ASPH: variants seen among roughly 807,000 people sequenced by gnomAD.
The protein encoded by ASPH is aspartyl/asparaginyl beta-hydroxylase.
A neutral mutation model predicts 118.4 loss-of-function variants in ASPH; 100 were observed. That is an observed-to-expected ratio of 0.84 (90% CI 0.72 to 1.00). The LOEUF (loss-of-function observed/expected upper bound fraction) is 1.00. Among genes scored for constraint, ASPH ranks in the 50% least tolerant of loss-of-function variants. The probability of loss-of-function intolerance (pLI) is 0.00; values close to 1 mark genes in which losing one functional copy is unlikely to be tolerated. For missense variants in ASPH, 920 were observed against 919.5 expected, an observed-to-expected ratio of 1.00 and a Z score of -0.01; for synonymous variants, 315 against 325.6, an observed-to-expected ratio of 0.97 and a Z score of 0.35.
intron 3 of ASPH, among the ~76,000 whole-genome samples, chr8:61,667,844 C>T (rs1820472050): frequency 6.6e-6 from 1 of 152,130 alleles, no homozygotes; most frequent in Admixed American, 6.5e-5. Flanking sequence ...AAAACAATTA[C>T]TGAAGACTTC....
intron 19 of ASPH, among the ~76,000 whole-genome samples, 161 bp downstream of exon 19, chr8:61,555,763 G>T (rs538934234): frequency 3.3e-5 from 5 of 152,312 alleles, no homozygotes. Flanking sequence ...GGTTACAGTG[G>T]AGGCCCACGC....
chr8:61,579,227 A>C, intron 15 of ASPH: 4 of 1,613,762 alleles, frequency 2.5e-6, no homozygotes, highest in Non-Finnish European at 3.4e-6. Flanking sequence ...CCGCCATTGC[A>C]GATGCCGAGC....
At chr8:61,676,163 C>A (rs750258551) in intron 3 of ASPH, 2 of 1,599,180 alleles carry the variant, frequency 1.3e-6, no homozygotes, top group Non-Finnish European at 1.7e-6. Flanking sequence ...TGCGGTTTCG[C>A]TTTCTTCTTC....
At chr8:61,678,227 T>G (rs1826314686) in intron 3 of ASPH, among the ~76,000 whole-genome samples, 1 of 152,138 alleles carries the variant, frequency 6.6e-6, no homozygotes. Flanking sequence ...CACATGATCC[T>G]TAGGTGGTGT....
At chr8:61,703,995 A>C (rs1196756222) in intron 1 of ASPH, among the ~76,000 whole-genome samples, 1 of 151,932 alleles carries the variant, frequency 6.6e-6, no homozygotes, top group African/African-American at 2.4e-5. Context: ...GGAGATCGAG[A>C]CCATCCCGGC....
chr8:61,606,634 T>C (rs1003171156), intron 14 of ASPH: 1 of 152,180 alleles, frequency 6.6e-6, no homozygotes, highest in African/African-American at 2.4e-5. Context: ...CATTAAATTA[T>C]CATGAAGCAG....
intron 24 of ASPH, among the ~76,000 whole-genome samples, chr8:61,510,354 C>G (rs1808356758): frequency 6.6e-6 from 1 of 152,128 alleles, no homozygotes; most frequent in African/African-American, 2.4e-5. Context: ...TATGAAGATA[C>G]ATAACACTAA....
rs747718807 is a variant in ASPH, at chr8:61,651,150, A to T, written c.416-26T>A. 9.4e-6 allele frequency: 15 copies of T among 1,595,324 alleles called. No homozygotes were observed. The South Asian group carries it at 1.7e-4, about 18-fold the overall frequency. On this transcript the variant is annotated intron_variant, in intron 4 of 24. Transcript: ENST00000379454. ...CTAAAATAATTGCAAAACATAGCTA[A>T]GTAGAAAAGCTCAAACATCAACATG... is the stretch of plus-strand genomic sequence containing the variant.
At chr8:61,655,161 G>C (rs951460093) in intron 3 of ASPH, among the ~76,000 whole-genome samples, 2 of 152,164 alleles carry the variant, frequency 1.3e-5, no homozygotes, top group Non-Finnish European at 1.5e-5. Flanking sequence ...ATGAACACTT[G>C]TTGAAGGGCT....
chr8:61,610,395 T>A (rs553911591), intron 14 of ASPH, among the ~76,000 whole-genome samples: 1 of 152,372 alleles, frequency 6.6e-6, no homozygotes, highest in African/African-American at 2.4e-5. Flanking sequence ...CTAAGACTGA[T>A]GATATATGCT....
intron 3 of ASPH, among the ~76,000 whole-genome samples, chr8:61,676,904 C>T (rs1372240434): frequency 6.6e-6 from 1 of 151,872 alleles, no homozygotes; most frequent in Non-Finnish European, 1.5e-5. Flanking sequence ...TTTATAGCAT[C>T]CATAGGTGGG....
rs375405791 is a variant in ASPH, at chr8:61,540,001, A to C, written c.1764+8070T>G. 3.9e-5 allele frequency among the ~76,000 whole-genome samples: 6 copies of C among 151,974 alleles called. No homozygotes were observed. In the South Asian group the frequency reaches 6.2e-4, roughly 16 times the overall value. ...TTAATCCATTTTTGTTTCAATTTCT[A>C]TGTTAAATAAGCCCAAGGCACTTGG... On this transcript the variant is annotated intron_variant, in intron 21 of 24. Transcript: ENST00000379454.
chr8:61,589,073 C>T (rs1217940568), intron 14 of ASPH, among the ~76,000 whole-genome samples: 2 of 152,168 alleles, frequency 1.3e-5, no homozygotes, highest in East Asian at 3.9e-4. Context: ...CTACAGAAAA[C>T]AGGTAAGTGG....
intron 3 of ASPH, chr8:61,675,717 C>T (rs1389683733): frequency 2.9e-6 from 3 of 1,035,276 alleles, no homozygotes; most frequent in Admixed American, 1.0e-4. Flanking sequence ...GAAAGACAAG[C>T]ATCAAGGGTT....
rs374589402 is a variant in ASPH at position 61,536,291 on chromosome 8, A to G, written c.1765-10179T>C. 9.5e-4 allele frequency among the ~76,000 whole-genome samples: 144 copies of G among 152,238 alleles called. 1 individual carries two copies. The Middle Eastern group carries it at 0.027, about 29-fold the overall frequency. On this transcript the variant is annotated intron_variant, in intron 21 of 24. Coordinates refer to ENST00000379454, the MANE Select transcript of ASPH (RefSeq NM_004318.4). Reference sequence around the variant, plus strand: ...CCTGACCTCATGATCTGCCCACCTCAGCCTCCCAAAGTGCTGTGATTACAG... The same window carrying G: ...CCTGACCTCATGATCTGCCCACCTCGGCCTCCCAAAGTGCTGTGATTACAG...
chr8:61,579,842 C>T (rs1836851672), intron 15 of ASPH, among the ~76,000 whole-genome samples: 1 of 149,126 alleles, frequency 6.7e-6, no homozygotes, highest in Non-Finnish European at 1.5e-5. Context: ...CCCATGCCTC[C>T]AGCTACAAAA....
Position 61,517,521 on chromosome 8 carries a change from C to A in ASPH, c.2126+7G>T. 6.2e-7 allele frequency: 1 copy of A among 1,613,672 alleles called. No individual in the cohort carries two copies. Among genetic ancestry groups the A allele is most frequent in the South Asian group, 1.1e-5 (1 of 91,054 alleles). On this transcript the variant is annotated splice_region_variant and intron_variant, in intron 24 of 24. Transcript: ENST00000379454. The stretch of plus-strand genomic sequence containing the variant: ...GACGGATATGACGGATAACAGAGGA[C>A]CCATACTTGGTCTCGTTGGCACATC...
At chr8:61,587,694 C>T (rs1839872350) in intron 14 of ASPH, among the ~76,000 whole-genome samples, 1 of 152,156 alleles carries the variant, frequency 6.6e-6, no homozygotes, top group Non-Finnish European at 1.5e-5. Flanking sequence ...CAGCATGCCA[C>T]CATGTTCTAT....
chr8:61,503,402 G>C lies in ASPH; in HGVS notation c.2234C>G (p.Pro745Arg). The C allele has an allele frequency of 6.2e-7, 1 of 1,612,076 alleles. No homozygotes were observed. The highest frequency in any genetic ancestry group is 8.5e-7 in the Non-Finnish European group (1 of 1,179,196). The change falls in exon 25 of 25, where the codon CCG (proline) becomes CGG (arginine). Residue 745 changes from proline (P) to arginine (R), a missense_variant. Physicochemically the swap from Pro to Arg is moderately radical, Grantham distance 103. Coordinates refer to ENST00000379454, the MANE Select transcript of ASPH (RefSeq NM_004318.4). ...RLIFIVDVWH[P>R]ELTPQQRRSL... Reference sequence around the variant, plus strand: ...GCGTCTCTGCTGTGGTGTCAGTTCCGGATGCCACACATCCACGATGAATAT... The same window carrying C: ...GCGTCTCTGCTGTGGTGTCAGTTCCCGATGCCACACATCCACGATGAATAT...
Sources: allele counts gnomAD v4.1 joint callset (sites outside exome capture counted in the v4.1 genomes callset), GRCh38; gene constraint gnomAD v4.1.1; transcripts MANE v1.5; gene names NCBI Gene and HGNC (gene_info 2026-07-23, HGNC 2026-07-21).